Variants in RNF150 observed in about 807,000 individuals in gnomAD.
RNF150 encodes ring finger protein 150.
In RNF150, 24 loss-of-function variants were observed where a neutral mutation model predicts 39.3. The observed-to-expected ratio is 0.61, with a 90% CI of 0.44 to 0.86. The LOEUF (loss-of-function observed/expected upper bound fraction) is 0.86. Ranked by LOEUF, RNF150 falls within the 40% of genes least tolerant of loss-of-function variation. The probability of loss-of-function intolerance (pLI) is 0.00; values close to 1 mark genes in which losing one functional copy is unlikely to be tolerated. For synonymous variants in RNF150, 255 were observed against 227.3 expected (o/e 1.12, Z -1.10); for missense variants, 502 against 587.8 (o/e 0.85, Z 1.51).
chr4:141,108,180 G>A (rs1396389167), intron 1 of RNF150, among the ~76,000 whole-genome samples: 1 of 152,178 alleles, frequency 6.6e-6, no homozygotes, highest in Admixed American at 6.5e-5. Flanking sequence ...CAGACTTAGA[G>A]GAGCACATTT....
chr4:141,129,851 A>C (rs1726846094), intron 1 of RNF150, among the ~76,000 whole-genome samples: 1 of 152,228 alleles, frequency 6.6e-6, no homozygotes, highest in South Asian at 2.1e-4. Context: ...ATGTTAAACG[A>C]CAGGTTGCAT....
chr4:141,115,973 CT>C (rs1560746650), intron 1 of RNF150, among the ~76,000 whole-genome samples: 3 of 152,158 alleles, frequency 2.0e-5, no homozygotes, highest in African/African-American at 7.2e-5. Flanking sequence ...CTTCCTTAAG[CT>C]TTATACAAAA....
chr4:141,000,019 AGAAGAAGAAGAAGAAGAAG>A (rs1560679031), intron 1 of RNF150, among the ~76,000 whole-genome samples: 1 of 39,052 alleles, frequency 2.6e-5, no homozygotes, highest in African/African-American at 8.6e-5. Context: ...AAGAAGAAGA[AGAAGAAGAAGAAGAAGAAG>A]AAGAAGAAGA....
intron 1 of RNF150, among the ~76,000 whole-genome samples, chr4:140,998,682 C>A (rs1219045153): frequency 6.6e-6 from 1 of 152,118 alleles, no homozygotes. Context: ...CAAGAACATG[C>A]CACTAATTCA....
intron 1 of RNF150, among the ~76,000 whole-genome samples, chr4:141,088,338 C>T (rs994616830): frequency 3.3e-5 from 5 of 152,086 alleles, no homozygotes; most frequent in South Asian, 2.1e-4. Context: ...ACAGATAAAA[C>T]GATTAGGTTA....
At position 140,965,282 on chromosome 4, in the gene RNF150, T is replaced by G. The variant is rs1733193827; in HGVS notation, c.735+2341A>C. Among the ~76,000 whole-genome samples, 6 of 151,986 alleles carry G rather than the reference T, an allele frequency of 3.9e-5. No individual in the cohort carries two copies. The South Asian group carries it at 1.2e-3, about 32-fold the overall frequency. On this transcript the variant is annotated intron_variant, in intron 2 of 6. Coordinates refer to ENST00000515673, the MANE Select transcript of RNF150 (RefSeq NM_020724.2). Reference sequence around the variant, plus strand: ...TGGAGAAAAAGGAATCCTAGTACACTGTTGGTGGGAATGTAGATGGGCACA... The same window carrying G: ...TGGAGAAAAAGGAATCCTAGTACACGGTTGGTGGGAATGTAGATGGGCACA...
chr4:141,046,947 C>T (rs958467743), intron 1 of RNF150, among the ~76,000 whole-genome samples: 16 of 152,094 alleles, frequency 1.1e-4, no homozygotes, highest in Non-Finnish European at 1.5e-5. Flanking sequence ...CCCTCCCCGA[C>T]ACACCAAAAG....
rs558992415 is a variant in RNF150, at chr4:141,165,823, C to A, written c.-6+46971G>T. Among the ~76,000 whole-genome samples the A allele has an allele frequency of 3.9e-4, 60 of 152,172 alleles. 2 individuals carry two copies. The South Asian group carries it at 0.012, about 31-fold the overall frequency. On this transcript the variant is annotated intron_variant, in intron 1 of 7. Coordinates refer to the RNF150 transcript ENST00000420921. Reference sequence around the variant, plus strand: ...AATGTTTACAGGGAAATTTATAGCACTAAATGCCCACAGGAGAAAGCAGGA... The same window carrying A: ...AATGTTTACAGGGAAATTTATAGCAATAAATGCCCACAGGAGAAAGCAGGA...
At chr4:141,039,084 A>C (rs2110851471) in intron 1 of RNF150, among the ~76,000 whole-genome samples, 1 of 152,284 alleles carries the variant, frequency 6.6e-6, no homozygotes, top group Non-Finnish European at 1.5e-5. Context: ...AGTGGGTGGG[A>C]AATAAAGTGT....
chr4:141,022,317 T>C (rs1735527107), intron 1 of RNF150, among the ~76,000 whole-genome samples: 2 of 152,056 alleles, frequency 1.3e-5, no homozygotes, highest in South Asian at 4.1e-4. Context: ...TTATCCCCCC[T>C]CTAACTCTGC....
At chr4:140,990,217 G>C (rs892293256) in intron 1 of RNF150, among the ~76,000 whole-genome samples, 1 of 152,194 alleles carries the variant, frequency 6.6e-6, no homozygotes, top group Non-Finnish European at 1.5e-5. Flanking sequence ...AACCAGTGCA[G>C]AGTATTCATT....
At chr4:141,010,554 T>C (rs2110744765) in intron 1 of RNF150, among the ~76,000 whole-genome samples, 1 of 152,272 alleles carries the variant, frequency 6.6e-6, no homozygotes, top group East Asian at 1.9e-4. Context: ...GCTAAATACT[T>C]TCTATCTTCT....
At position 140,911,473 on chromosome 4, in the gene RNF150, A is replaced by T. The variant is rs535135361; in HGVS notation, c.988-119T>A. On this transcript the variant is annotated intron_variant, in intron 5 of 6. Coordinates refer to ENST00000515673, the MANE Select transcript of RNF150 (RefSeq NM_020724.2). ...TAAGTTCTTTATTGTTTACTTCTTG[A>T]GCCACTTTATTTAAAAACATTCTAT... 3.2e-5 allele frequency: 24 copies of T among 753,208 alleles called. No individual in the cohort carries two copies. The African/African-American group carries it at 3.7e-4, about 12-fold the overall frequency. The allele number at this position is 753,208 out of a possible 1,614,324, so 46.7% of individuals were successfully genotyped here.
chr4:140,986,277 C>T (rs1440638288), intron 1 of RNF150, among the ~76,000 whole-genome samples: 3 of 152,040 alleles, frequency 2.0e-5, no homozygotes, highest in African/African-American at 7.2e-5. Context: ...CAATTAGGTA[C>T]TACAAGGGGG....
At chr4:141,167,157 A>G (rs1727619519) in intron 1 of RNF150, among the ~76,000 whole-genome samples, 1 of 152,166 alleles carries the variant, frequency 6.6e-6, no homozygotes, top group Non-Finnish European at 1.5e-5. Context: ...ATAATAGACA[A>G]GCAGAGAGCC....
At chr4:140,872,368 A>G (rs1373179277) in intron 6 of RNF150, among the ~76,000 whole-genome samples, 1 of 152,232 alleles carries the variant, frequency 6.6e-6, no homozygotes, top group Non-Finnish European at 1.5e-5. Context: ...TATAGATGAA[A>G]AATACTCTTA....
chr4:140,887,564 G>C (rs1377703899), intron 6 of RNF150, among the ~76,000 whole-genome samples: 2 of 152,216 alleles, frequency 1.3e-5, no homozygotes, highest in East Asian at 3.9e-4. Flanking sequence ...GTTGGATGTA[G>C]GTCGACGCAT....
At chr4:141,047,124 GTGTA>G (rs900781971) in intron 1 of RNF150, among the ~76,000 whole-genome samples, 1 of 152,256 alleles carries the variant, frequency 6.6e-6, no homozygotes, top group African/African-American at 2.4e-5. Context: ...ATGCACATGT[GTGTA>G]TGTGTGAGAG....
In RNF150 at chr4:140,883,730, A is replaced by G. The variant is rs142806986; in HGVS notation, c.1199-15351T>C. On this transcript the variant is annotated intron_variant, in intron 6 of 6. Transcript: ENST00000515673. ...ATTCTATCTCTGTCTTTGACTTTGG[A>G]CAATTTGATTGTAATGTGTCTCAGT... Among the ~76,000 whole-genome samples, 639 of 152,170 alleles carry G rather than the reference A, an allele frequency of 4.2e-3. 4 individuals are homozygous for G. The highest frequency in any genetic ancestry group is 0.014 in the African/African-American group (594 of 41,504).
Sources: gnomAD v4.1 joint callset for allele counts (sites outside exome capture counted in the v4.1 genomes callset) on GRCh38, gnomAD v4.1.1 for gene constraint, MANE v1.5 for transcripts, NCBI Gene and HGNC (gene_info 2026-07-23, HGNC 2026-07-21) for gene names.